EPB41L4A: variants seen among roughly 807,000 people sequenced by gnomAD.
EPB41L4A encodes erythrocyte membrane protein band 4.1 like 4A.
EPB41L4A carries 100 observed loss-of-function variants against 108.6 expected under a neutral mutation model. The observed-to-expected ratio is 0.92, with a 90% CI of 0.78 to 1.09. EPB41L4A has a LOEUF of 1.09. EPB41L4A is among the 50% of genes least tolerant of loss of function. The probability of loss-of-function intolerance (pLI) is 0.00; values close to 1 mark genes in which losing one functional copy is unlikely to be tolerated. For synonymous variants in EPB41L4A, 319 were observed against 289.0 expected (o/e 1.10, Z -1.05); for missense variants, 1,030 against 842.7 (o/e 1.22, Z -2.75).
At chr5:112,280,249 C>G (rs755951119) in intron 3 of EPB41L4A, 23 bp downstream of exon 3, 3 of 1,611,022 alleles carry the variant, frequency 1.9e-6, no homozygotes, top group Non-Finnish European at 2.5e-6. Flanking sequence ...CACCCTTTAA[C>G]AAAGTAAAAG....
chr5:112,360,670 A>T (rs1758669813), intron 1 of EPB41L4A, among the ~76,000 whole-genome samples: 1 of 152,188 alleles, frequency 6.6e-6, no homozygotes, highest in South Asian at 2.1e-4. Context: ...AAGTGCCGAG[A>T]ATGCAGCCTC....
At position 112,165,058 on chromosome 5, in the gene EPB41L4A, G is replaced by C. The variant is rs923317190; in HGVS notation, c.1993C>G (p.Leu665Val). 2 of 1,613,654 alleles carry C rather than the reference G, an allele frequency of 1.2e-6. No individual in the cohort carries two copies. The highest frequency in any genetic ancestry group is 2.7e-5 in the African/African-American group (2 of 74,854). The change falls in exon 23 of 23, where the codon CTG becomes GTG. Residue 665 changes from leucine (L) to valine (V), a missense_variant. By Grantham distance (32) the Leu-to-Val change is conservative. Transcript: ENST00000261486. Reference protein sequence around the residue: ...EEKPQTSTNNLAGKHTAKTIK... With the variant: ...EEKPQTSTNNVAGKHTAKTIK... ...GTTTTTGCTGTGTGTTTTCCAGCCA[G>C]GTTGTTTGTAGATGTCTGAGGTTTT...
At chr5:112,222,310 T>G (rs1279560508) in intron 12 of EPB41L4A, among the ~76,000 whole-genome samples, 1 of 152,222 alleles carries the variant, frequency 6.6e-6, no homozygotes, top group East Asian at 1.9e-4. Flanking sequence ...TCCAAGCATG[T>G]ACCATAGTAT....
rs79736194 is a variant in EPB41L4A at position 112,386,243 on chromosome 5, T to C, written c.99+32698A>G. ...AAGAAATAATCAGCCTCTGAAGTGC[T>C]AACCTTGTAAACCCAGCCTACAAAA... On this transcript the variant is annotated intron_variant, in intron 1 of 22. Transcript: ENST00000261486. Among the ~76,000 whole-genome samples, 707 of 152,362 alleles carry C rather than the reference T, an allele frequency of 4.6e-3. 1 individual carries two copies. The highest frequency in any genetic ancestry group is 6.7e-3 in the Non-Finnish European group (459 of 68,038).
chr5:112,357,069 G>C (rs1758404021), intron 1 of EPB41L4A, among the ~76,000 whole-genome samples: 1 of 152,174 alleles, frequency 6.6e-6, no homozygotes, highest in South Asian at 2.1e-4. Context: ...AACAAAGATA[G>C]ACTGCAGCAC....
intron 15 of EPB41L4A, among the ~76,000 whole-genome samples, chr5:112,199,354 C>T (rs1341141672): frequency 6.6e-6 from 1 of 152,144 alleles, no homozygotes; most frequent in Admixed American, 6.5e-5. Context: ...AGAAGGGAGA[C>T]ATTTGGTATG....
At chr5:112,333,084 T>C (rs1020934629) in intron 1 of EPB41L4A, among the ~76,000 whole-genome samples, 4 of 152,232 alleles carry the variant, frequency 2.6e-5, no homozygotes, top group African/African-American at 7.2e-5. Context: ...CAATCATTAG[T>C]AGCTACTCTG....
chr5:112,194,518 G>A (rs1341712481), intron 17 of EPB41L4A, 50 bp downstream of exon 17: 2 of 1,115,112 alleles, frequency 1.8e-6, no homozygotes, highest in East Asian at 2.5e-5. Flanking sequence ...TACCACCAAG[G>A]GCAGCCTCTG....
intron 1 of EPB41L4A, among the ~76,000 whole-genome samples, chr5:112,344,135 T>C (rs763846856): frequency 2.0e-5 from 3 of 152,092 alleles, no homozygotes; most frequent in Non-Finnish European, 4.4e-5. Flanking sequence ...GATAATAGGA[T>C]TATGGTTTTT....
At chr5:112,308,629 T>C (rs1414436884) in intron 1 of EPB41L4A, among the ~76,000 whole-genome samples, 1 of 152,242 alleles carries the variant, frequency 6.6e-6, no homozygotes, top group African/African-American at 2.4e-5. Flanking sequence ...AGCCCTTCCA[T>C]GATGAATCTT....
At chr5:112,260,059 A>G in intron 7 of EPB41L4A, 80 bp from the exon 8 acceptor site, 1 of 1,012,588 alleles carries the variant, frequency 9.9e-7, no homozygotes, top group African/African-American at 1.6e-5. Context: ...ATACAAATAT[A>G]ATTTGTTACA....
intron 1 of EPB41L4A, among the ~76,000 whole-genome samples, chr5:112,338,148 T>C (rs1757044839): frequency 6.6e-6 from 1 of 152,150 alleles, no homozygotes; most frequent in Admixed American, 6.5e-5. Context: ...AATATGCCCA[T>C]GAATACAGTG....
chr5:112,205,319 G>A, intron 14 of EPB41L4A, 102 bp downstream of exon 14: 1 of 960,962 alleles, frequency 1.0e-6, no homozygotes, highest in South Asian at 1.3e-5. Flanking sequence ...TCCACAGCTA[G>A]CTGTGATCAG....
At chr5:112,366,718 G>C (rs1759140946) in intron 1 of EPB41L4A, among the ~76,000 whole-genome samples, 1 of 152,076 alleles carries the variant, frequency 6.6e-6, no homozygotes, top group African/African-American at 2.4e-5. Flanking sequence ...ATATCTCAAG[G>C]CACAGAGCAG....
At chr5:112,356,334 G>T (rs986187694) in intron 1 of EPB41L4A, among the ~76,000 whole-genome samples, 2 of 152,090 alleles carry the variant, frequency 1.3e-5, no homozygotes, top group African/African-American at 4.8e-5. Flanking sequence ...GATACTTAAG[G>T]GTGGTAACTC....
At chr5:112,392,352 T>C (rs1004881838) in intron 1 of EPB41L4A, among the ~76,000 whole-genome samples, 9 of 122,044 alleles carry the variant, frequency 7.4e-5, no homozygotes, top group African/African-American at 1.3e-4. Context: ...GAGACACACA[T>C]AGGCTCAAAA....
At chr5:112,255,567 C>T (rs896106941) in intron 9 of EPB41L4A, among the ~76,000 whole-genome samples, 21 of 152,160 alleles carry the variant, frequency 1.4e-4, no homozygotes, top group Non-Finnish European at 1.3e-4. Context: ...CTGACACATG[C>T]TTAATACATG....
chr5:112,183,987 G>T (rs778242704), intron 18 of EPB41L4A, 29 bp downstream of exon 18: 8 of 1,612,014 alleles, frequency 5.0e-6, no homozygotes, highest in Non-Finnish European at 6.8e-6. Context: ...CAGTGTTTTT[G>T]AATCAAGGTA....
chr5:112,393,418 G>A (rs191860124), intron 1 of EPB41L4A, among the ~76,000 whole-genome samples: 10 of 152,210 alleles, frequency 6.6e-5, no homozygotes, highest in East Asian at 1.9e-4. Context: ...TACCACCACC[G>A]ATCCCATAGA....
Sources: gnomAD v4.1 joint callset for allele counts (sites outside exome capture counted in the v4.1 genomes callset) on GRCh38, gnomAD v4.1.1 for gene constraint, MANE v1.5 for transcripts, NCBI Gene and HGNC (gene_info 2026-07-23, HGNC 2026-07-21) for gene names.